The following USP26 variants were observed in gnomAD, a reference collection of about 807,000 sequenced individuals.
USP26 encodes the protein ubiquitin specific peptidase 26.
For missense variants in USP26, 649 were observed against 642.3 expected (o/e 1.01, Z -0.11); for synonymous variants, 236 against 240.6 (o/e 0.98, Z 0.18).
In USP26 at chrX:133,027,377, A is replaced by C. The variant is rs1341496986; in HGVS notation, c.844T>G (p.Leu282Val). The C allele has an allele frequency of 3.3e-6, 4 of 1,211,315 alleles. No individual in the cohort carries two copies. Among genetic ancestry groups the C allele is most frequent in the South Asian group, 1.8e-5 (1 of 56,949 alleles). Residue 282 changes from leucine (L) to valine (V), a missense_variant, in exon 6 of 6, where the codon TTA becomes GTA. Physicochemically the swap from Leu to Val is conservative, Grantham distance 32. Transcript: ENST00000511190. ...GGAAATAATTCAAAAAATAGTTTTAATTTATCCCACTTTGTGTAACCGTCA... is the reference window on the plus strand; with the variant it reads ...GGAAATAATTCAAAAAATAGTTTTACTTTATCCCACTTTGTGTAACCGTCA... ...YSDGYTKWDKLKLFFELFPEK... is the reference protein window; with the variant it reads ...YSDGYTKWDKVKLFFELFPEK...
chrX:133,044,559 T>C (rs897927473), intron 5 of USP26, among the ~76,000 whole-genome samples: 3 of 113,225 alleles, frequency 2.6e-5, no homozygotes, highest in African/African-American at 9.6e-5. Flanking sequence ...CCCCCAGCAG[T>C]GCCGGCCCAC....
At chrX:133,039,598 TAGAATATGTGCTTTGTGGTGCTGAAAGG>T (rs1386731260) in intron 5 of USP26, among the ~76,000 whole-genome samples, 1 of 111,938 alleles carries the variant, frequency 8.9e-6, no homozygotes, top group East Asian at 2.8e-4. Flanking sequence ...TGGTCAAATT[TAGAATATGTGCTTTGTGGTGCTGAAAGG>T]AGAATATGTG....
chrX:133,089,025 T>G (rs2067598932), intron 4 of USP26, among the ~76,000 whole-genome samples: 1 of 109,874 alleles, frequency 9.1e-6, no homozygotes, highest in South Asian at 4.0e-4. Context: ...CCTTCCATGG[T>G]TTAAAGTAAT....
At position 133,027,260 on chromosome X, in the gene USP26, C is replaced by G; in HGVS notation, c.961G>C (p.Asp321His). The part of the protein sequence containing the change: ...QSLLSIPSFA[D>H]DLLNQSFPWG... ...GGGAAACTCTGATTAAGTAAATCAT[C>G]AGCAAACGATGGGATTGAAAGTAGA... The change falls in exon 6 of 6, where the codon GAT becomes CAT. Residue 321 changes from aspartate (D) to histidine (H), a missense_variant. Transcript: ENST00000511190. 8.3e-7 allele frequency: 1 copy of G among 1,211,411 alleles called. No individual in the cohort carries two copies. Among genetic ancestry groups the G allele is most frequent in the Non-Finnish European group, 1.1e-6 (1 of 895,253 alleles).
intron 5 of USP26, among the ~76,000 whole-genome samples, chrX:133,056,575 A>C (rs1429630261): frequency 8.9e-6 from 1 of 111,756 alleles, no homozygotes; most frequent in African/African-American, 3.3e-5. Context: ...GGTATACCTC[A>C]GGTGAGTCAT....
At chrX:133,045,514 C>T (rs1340294715) in intron 5 of USP26, among the ~76,000 whole-genome samples, 1 of 112,134 alleles carries the variant, frequency 8.9e-6, no homozygotes, top group Non-Finnish European at 1.9e-5. Flanking sequence ...ACTGCTCACT[C>T]TTTGGGTCCA....
Position 133,025,383 on chromosome X carries a change from T to C in USP26, c.*96A>G, listed in dbSNP as rs922357439. The C allele has an allele frequency of 2.5e-5, 29 of 1,173,810 alleles. No individual in the cohort carries two copies. Among genetic ancestry groups the C allele is most frequent in the Middle Eastern group, 3.3e-4 (1 of 3,045 alleles). On this transcript the variant is annotated 3_prime_UTR_variant, in exon 6 of 6. Transcript: ENST00000511190. ...CTTTGGTCCTAGACTAATTGCATTT[T>C]CATCTCTGGATAAAGTTCACAGTTT...
Position 133,026,516 on chromosome X carries a change from C to A in USP26, c.1705G>T (p.Asp569Tyr). Residue 569 changes from aspartate to tyrosine, a missense_variant, in exon 6 of 6, where the codon GAT (aspartate) becomes TAT (tyrosine). Transcript: ENST00000511190. ...CGAATAACTTTTAATAATTGGAAAT[C>A]TGTAATTTCTCCATCCTCACTCAAG... Reference protein sequence around the residue: ...LPLSEDGEITDFQLLKVIRKM... With the variant: ...LPLSEDGEITYFQLLKVIRKM... 8.3e-7 allele frequency: 1 copy of A among 1,209,151 alleles called. No homozygotes were observed.
chrX:133,084,726 T>C (rs1385207000), intron 4 of USP26, among the ~76,000 whole-genome samples: 2 of 110,694 alleles, frequency 1.8e-5, no homozygotes, highest in Admixed American at 9.6e-5. Context: ...TAAGTGTCTT[T>C]TGTCCCCTTT....
rs1211505442 is a variant in USP26, at chrX:133,045,798, A to C, written c.-76-17502T>G. On this transcript the variant is annotated intron_variant, in intron 5 of 5. Coordinates refer to ENST00000511190, the MANE Select transcript of USP26 (RefSeq NM_031907.3). ...ACTGTAACACTCACCGCGAGCGTCC[A>C]CGGCTTCATTCTTGAAGTCAGTGAG... 3.5e-5 allele frequency: 4 copies of C among 115,166 alleles called. No homozygotes were observed. The Admixed American group carries it at 3.8e-4, about 11-fold the overall frequency. The allele number at this position is 115,166 out of a possible 1,213,427, so 9.5% of individuals were successfully genotyped here.
chrX:133,077,845 G>A (rs2067555214), intron 5 of USP26, among the ~76,000 whole-genome samples: 1 of 111,672 alleles, frequency 9.0e-6, no homozygotes, highest in South Asian at 3.8e-4. Flanking sequence ...ACTTTGAGAG[G>A]CCAAGGCGGG....
rs1041463924 is a variant in USP26, at chrX:133,039,067, T to G, written c.-76-10771A>C. Among the ~76,000 whole-genome samples the G allele has an allele frequency of 2.7e-5, 3 of 111,955 alleles. No homozygotes were observed. The Admixed American group carries it at 2.8e-4, about 11-fold the overall frequency. ...TATTCTCTCTTTTCTTCTTTATTAG[T>G]CTGACTATTGGTCTACCTATTTTTG... On this transcript the variant is annotated intron_variant, in intron 5 of 5. Transcript: ENST00000511190.
At chrX:133,038,518 C>T (rs374222156) in intron 5 of USP26, among the ~76,000 whole-genome samples, 114 of 111,698 alleles carry the variant, frequency 1.0e-3, no homozygotes, top group African/African-American at 2.6e-3. Flanking sequence ...ACGAAGCCGG[C>T]TTGATTGTGG....
chrX:133,034,415 A>C (rs1340171301), intron 5 of USP26, among the ~76,000 whole-genome samples: 1 of 111,748 alleles, frequency 8.9e-6, no homozygotes, highest in African/African-American at 3.2e-5. Flanking sequence ...TGACTATGAC[A>C]TGAAGGCAAG....
chrX:133,069,767 C>T (rs2067524787), intron 5 of USP26, among the ~76,000 whole-genome samples: 1 of 111,449 alleles, frequency 9.0e-6, no homozygotes, highest in Non-Finnish European at 1.9e-5. Flanking sequence ...CTCACACACA[C>T]GTTTCCTAGG....
intron 5 of USP26, among the ~76,000 whole-genome samples, chrX:133,047,170 G>A (rs1167117083): frequency 1.8e-5 from 2 of 111,834 alleles, no homozygotes; most frequent in Non-Finnish European, 3.8e-5. Context: ...AAAGGAAGCC[G>A]TGACCAGCCA....
intron 4 of USP26, among the ~76,000 whole-genome samples, chrX:133,088,967 C>T (rs776143058): frequency 3.6e-4 from 37 of 103,555 alleles, no homozygotes; most frequent in African/African-American, 1.3e-3. Flanking sequence ...TTCTAAATAA[C>T]TCTGGCCCCA....
intron 5 of USP26, among the ~76,000 whole-genome samples, chrX:133,038,788 G>A (rs748405800): frequency 8.9e-6 from 1 of 111,854 alleles, no homozygotes; most frequent in Non-Finnish European, 1.9e-5. Context: ...AATCCATGTG[G>A]TCCTGGGCTG....
intron 5 of USP26, among the ~76,000 whole-genome samples, chrX:133,034,918 C>T (rs1364069158): frequency 1.8e-5 from 2 of 111,531 alleles, no homozygotes; most frequent in Non-Finnish European, 3.8e-5. Context: ...TGTGGCATTT[C>T]CCCGATTCCC....
Sources: allele counts gnomAD v4.1 joint callset (sites outside exome capture counted in the v4.1 genomes callset), GRCh38; gene constraint gnomAD v4.1.1; transcripts MANE v1.5; gene names NCBI Gene and HGNC (gene_info 2026-07-23, HGNC 2026-07-21).